CD96: variants seen among roughly 807,000 people sequenced by gnomAD.
The protein encoded by CD96 is T-cell surface protein tactile.
A neutral mutation model predicts 71.3 loss-of-function variants in CD96; 70 were observed. The ratio of observed to expected loss-of-function variants is 0.98; its 90% CI spans 0.81 to 1.20. CD96 has a LOEUF of 1.20. Among genes scored for constraint, CD96 ranks in the 50% most tolerant of loss-of-function variants. CD96 has a pLI of 0.00. For synonymous variants in CD96, 248 were observed against 233.0 expected (o/e 1.06, Z -0.59); for missense variants, 742 against 677.5 (o/e 1.10, Z -1.06).
chr3:111,662,016 AT>A (rs1472070713), intron 14 of CD96, among the ~76,000 whole-genome samples: 2 of 152,230 alleles, frequency 1.3e-5, no homozygotes, highest in Admixed American at 6.5e-5. Context: ...ACATTCAGGC[AT>A]TTTCGTACAT....
At chr3:111,593,595 G>A (rs200140607) in intron 5 of CD96, 49 of 1,557,008 alleles carry the variant, frequency 3.1e-5, no homozygotes, top group African/African-American at 2.7e-4. Flanking sequence ...TTCTCCCGCT[G>A]GCATGCCTCC....
At chr3:111,601,902 C>T (rs1386416018) in intron 7 of CD96, among the ~76,000 whole-genome samples, 1 of 152,230 alleles carries the variant, frequency 6.6e-6, no homozygotes, top group Non-Finnish European at 1.5e-5. Context: ...ATCCCTACTA[C>T]TCAGAAGCAG....
intron 1 of CD96, 58 bp from the exon 2 acceptor site, chr3:111,544,988 A>G: frequency 1.4e-6 from 2 of 1,455,530 alleles, no homozygotes; most frequent in Non-Finnish European, 9.6e-7. Context: ...AGGGTTTTTA[A>G]TTAAGCGTCA....
At position 111,620,644 on chromosome 3, in the gene CD96, G is replaced by T. The variant is rs544865759; in HGVS notation, c.1181-3110G>T. On this transcript the variant is annotated intron_variant, in intron 8 of 13. Coordinates refer to ENST00000352690, the MANE Select transcript of CD96 (RefSeq NM_005816.5). ...AGACCAATAGGAGCGAAATAACTTT[G>T]TGCTCCCTGGGGAAAGAGACTAGGA... 2.0e-5 allele frequency among the ~76,000 whole-genome samples: 3 copies of T among 152,274 alleles called. No individual in the cohort carries two copies. In the South Asian group the frequency reaches 6.2e-4, roughly 32 times the overall value.
At chr3:111,659,735 T>A (rs1940311664) in intron 14 of CD96, among the ~76,000 whole-genome samples, 1 of 152,164 alleles carries the variant, frequency 6.6e-6, no homozygotes, top group African/African-American at 2.4e-5. Flanking sequence ...TTCATACCAA[T>A]AAATAGGATT....
chr3:111,556,245 G>A (rs558498517), intron 2 of CD96, among the ~76,000 whole-genome samples: 35 of 29,016 alleles, frequency 1.2e-3, no homozygotes, highest in Non-Finnish European at 2.5e-3. Flanking sequence ...GGGTACATGT[G>A]CACATTGTGC....
At chr3:111,649,634 G>C (rs1559779501) in intron 13 of CD96, 64 bp from the exon 14 acceptor site, 1 of 854,804 alleles carries the variant, frequency 1.2e-6, no homozygotes, top group Non-Finnish European at 2.0e-6. Context: ...ACACATGTCT[G>C]TGTGTGTGTG....
At chr3:111,646,292 G>T (rs771180977) in intron 12 of CD96, among the ~76,000 whole-genome samples, 2 of 151,998 alleles carry the variant, frequency 1.3e-5, no homozygotes, top group African/African-American at 2.4e-5. Context: ...ATAGAATGAG[G>T]TAAATCTCTG....
At chr3:111,606,138 C>G (rs1263161627) in intron 7 of CD96, among the ~76,000 whole-genome samples, 2 of 152,088 alleles carry the variant, frequency 1.3e-5, no homozygotes, top group Admixed American at 6.5e-5. Context: ...CGCACACACA[C>G]AAAAGAAAAA....
intron 4 of CD96, 66 bp from the exon 5 acceptor site, chr3:111,585,257 T>TAC: frequency 1.2e-6 from 1 of 867,650 alleles, no homozygotes; most frequent in Non-Finnish European, 2.0e-6. Flanking sequence ...CACACACACA[T>TAC]ACACACACTA....
intron 4 of CD96, among the ~76,000 whole-genome samples, chr3:111,581,844 A>C (rs1936480157): frequency 6.6e-6 from 1 of 152,228 alleles, no homozygotes; most frequent in South Asian, 2.1e-4. Context: ...CCCTGAAATA[A>C]AACATCGAGA....
At chr3:111,631,866 A>T (rs1274141738) in intron 10 of CD96, among the ~76,000 whole-genome samples, 1 of 152,226 alleles carries the variant, frequency 6.6e-6, no homozygotes, top group Non-Finnish European at 1.5e-5. Flanking sequence ...TGACAAAAAC[A>T]AGCAATGAGA....
intron 8 of CD96, among the ~76,000 whole-genome samples, chr3:111,613,309 C>A (rs1264566104): frequency 6.6e-6 from 1 of 152,188 alleles, no homozygotes; most frequent in Admixed American, 6.5e-5. Flanking sequence ...CTGTCATCTT[C>A]CCCAAGGGAG....
chr3:111,589,995 A>G (rs1335415707), intron 5 of CD96, among the ~76,000 whole-genome samples: 2 of 152,234 alleles, frequency 1.3e-5, no homozygotes, highest in East Asian at 3.8e-4. Flanking sequence ...AATGGAGTTC[A>G]TGGCACATAG....
intron 12 of CD96, among the ~76,000 whole-genome samples, chr3:111,639,418 T>C (rs1939491272): frequency 6.6e-6 from 1 of 152,052 alleles, no homozygotes; most frequent in Non-Finnish European, 1.5e-5. Context: ...TTCTCCTAGG[T>C]GCACAACTCC....
rs79960376 is a variant in CD96, at chr3:111,611,994, T to C, written c.1180+5202T>C. ...CGCAGATTGATGAGGCCGATTCAAA[T>C]GTGTTTAGATGTAGTTGAAGGCCTG... is the stretch of plus-strand genomic sequence containing the variant. On this transcript the variant is annotated intron_variant, in intron 8 of 13. Transcript: ENST00000352690. Among the ~76,000 whole-genome samples, 1,369 of 152,284 alleles carry C rather than the reference T, an allele frequency of 9.0e-3. 13 individuals are homozygous for C. The highest frequency in any genetic ancestry group is 0.032 in the African/African-American group (1,321 of 41,548).
At chr3:111,561,950 C>T (rs1935450936) in intron 2 of CD96, among the ~76,000 whole-genome samples, 1 of 151,460 alleles carries the variant, frequency 6.6e-6, no homozygotes, top group African/African-American at 2.4e-5. Flanking sequence ...GCGCAATATT[C>T]GGGTGGGAGT....
chr3:111,623,174 TA>T (rs1443129866), intron 8 of CD96, among the ~76,000 whole-genome samples: 1 of 152,224 alleles, frequency 6.6e-6, no homozygotes, highest in Non-Finnish European at 1.5e-5. Context: ...TATTCTTCTT[TA>T]ATCTACCTTG....
rs1233556443 is a variant in CD96 at position 111,559,076 on chromosome 3, T to C, written c.419-8447T>C. Among the ~76,000 whole-genome samples, 85 of 151,974 alleles carry C rather than the reference T, an allele frequency of 5.6e-4. No homozygotes were observed. The Middle Eastern group carries it at 0.01, about 18-fold the overall frequency. On this transcript the variant is annotated intron_variant, in intron 2 of 13. Coordinates refer to ENST00000352690, the MANE Select transcript of CD96 (RefSeq NM_005816.5). ...ATATCCCCTTTATCATTTTTTATTGTGTCTATTTGATTCTTCTCTCTTTTT... is the reference window on the plus strand; with the variant it reads ...ATATCCCCTTTATCATTTTTTATTGCGTCTATTTGATTCTTCTCTCTTTTT...
Sources: allele counts gnomAD v4.1 joint callset (sites outside exome capture counted in the v4.1 genomes callset), GRCh38; gene constraint gnomAD v4.1.1; transcripts MANE v1.5; gene names NCBI Gene and HGNC (gene_info 2026-07-23, HGNC 2026-07-21).